The following EXOC3L2 variants were observed in gnomAD, a reference collection of about 807,000 sequenced individuals.
EXOC3L2 encodes exocyst complex component 3-like protein 2.
A neutral mutation model predicts 44.4 loss-of-function variants in EXOC3L2; 17 were observed. The ratio of observed to expected loss-of-function variants is 0.38; its 90% CI spans 0.26 to 0.57. The LOEUF (loss-of-function observed/expected upper bound fraction) is 0.57. Among genes scored for constraint, EXOC3L2 ranks in the 20% least tolerant of loss-of-function variants. EXOC3L2 has a pLI of 0.65. For missense variants in EXOC3L2, 541 were observed against 588.4 expected, an observed-to-expected ratio of 0.92 and a Z score of 0.83; for synonymous variants, 256 against 253.7, an observed-to-expected ratio of 1.01 and a Z score of -0.09.
rs563843788 is a variant in EXOC3L2, at chr19:45,242,933, G to A, written c.-17+2408C>T. Among the ~76,000 whole-genome samples the A allele has an allele frequency of 2.2e-4, 33 of 149,996 alleles. 1 individual carries two copies. In the South Asian group the frequency reaches 6.3e-3, roughly 29 times the overall value. On this transcript the variant is annotated intron_variant, in intron 1 of 11. Coordinates refer to ENST00000413988, the MANE Select transcript of EXOC3L2 (RefSeq NM_001382422.1). ...CCTGCCACCTCTCCTGGTCCCACTC[G>A]CTCTGGCCTTCTCCTAAGGAATCCA...
At position 45,227,748 on chromosome 19, in the gene EXOC3L2, G is replaced by A. The variant is rs201323099; in HGVS notation, c.1497C>T (p.Phe499=). 6 of 1,612,778 alleles carry A rather than the reference G, an allele frequency of 3.7e-6. No individual in the cohort carries two copies. Among genetic ancestry groups the A allele is most frequent in the Non-Finnish European group, 5.1e-6 (6 of 1,179,740 alleles). ...LQSFQQRVER[F]HENPAVREML... is the part of the protein sequence containing the mutation. The stretch of plus-strand genomic sequence containing the variant: ...TCTCCCGGACTGCTGGGTTCTCATG[G>A]AATCGCTCCACACGCTGCTGGAAGC... Residue 499 remains phenylalanine (F), a synonymous_variant, in exon 7 of 12, where the codon TTC becomes TTT. Coordinates refer to ENST00000413988, the MANE Select transcript of EXOC3L2 (RefSeq NM_001382422.1).
intron 4 of EXOC3L2, among the ~76,000 whole-genome samples, chr19:45,229,840 C>T (rs558383071): frequency 5.4e-5 from 6 of 112,058 alleles, no homozygotes; most frequent in South Asian, 2.7e-4. Context: ...AGTGAAACTC[C>T]GTCTCAAAAT....
intron 2 of EXOC3L2, among the ~76,000 whole-genome samples, chr19:45,235,810 T>A: frequency 6.6e-6 from 1 of 152,066 alleles, no homozygotes; most frequent in South Asian, 2.1e-4. Flanking sequence ...GGGGCTGAAA[T>A]AGCCTCTGGC....
chr19:45,219,975 T>C (rs111664793), intron 8 of EXOC3L2, among the ~76,000 whole-genome samples: 2,523 of 151,206 alleles, frequency 0.017, 59 homozygotes, highest in African/African-American at 0.055. Flanking sequence ...AGTTCGAGAC[T>C]AGCCTGGCCA....
At position 45,224,832 on chromosome 19, in the gene EXOC3L2, A is replaced by C; in HGVS notation, c.1665T>G (p.His555Gln). 1 of 1,595,412 alleles carries C rather than the reference A, an allele frequency of 6.3e-7. No homozygotes were observed. The highest frequency in any genetic ancestry group is 1.1e-5 in the South Asian group (1 of 88,304). ...CGACACGGTGGCAGAGCCGGGTCAC[A>C]TGGTCCAGAGCACTAGCAGATGCTT... is the stretch of plus-strand genomic sequence containing the variant. ...AREASASALDHVTRLCHRVVA... is the reference protein window; with the variant it reads ...AREASASALDQVTRLCHRVVA... Residue 555 changes from histidine to glutamine, a missense_variant, in exon 8 of 12, where the codon CAT (histidine) becomes CAG (glutamine). Physicochemically the swap from His to Gln is conservative, Grantham distance 24 (BLOSUM62 0). Transcript: ENST00000413988.
chr19:45,222,671 C>T (rs1969910748), intron 8 of EXOC3L2, among the ~76,000 whole-genome samples: 1 of 152,112 alleles, frequency 6.6e-6, no homozygotes, highest in African/African-American at 2.4e-5. Flanking sequence ...TTTATAAGGC[C>T]AGGCACAGTG....
chr19:45,224,997 G>C, intron 7 of EXOC3L2, 84 bp from the exon 8 acceptor site: 4 of 1,395,578 alleles, frequency 2.9e-6, no homozygotes, highest in Non-Finnish European at 3.7e-6. Context: ...AGGTAGATCA[G>C]AGGGGCACAG....
intron 7 of EXOC3L2, among the ~76,000 whole-genome samples, chr19:45,226,294 C>G (rs1449446680): frequency 6.6e-6 from 1 of 152,090 alleles, no homozygotes; most frequent in Non-Finnish European, 1.5e-5. Flanking sequence ...AGAACACAGA[C>G]TGCTACAATG....
chr19:45,215,138 C>T (rs529850156), intron 11 of EXOC3L2, among the ~76,000 whole-genome samples: 5 of 152,066 alleles, frequency 3.3e-5, no homozygotes, highest in African/African-American at 9.6e-5. Context: ...GAGACTCTGT[C>T]TCAAAAAACA....
rs1249733126 is a variant in EXOC3L2 at position 45,218,272 on chromosome 19, C to T, written c.1767G>A (p.Glu589=). 1 of 1,608,714 alleles carries T rather than the reference C, an allele frequency of 6.2e-7. No homozygotes were observed. Among genetic ancestry groups the T allele is most frequent in the African/African-American group, 1.3e-5 (1 of 74,920 alleles). ...GCGTGCCCACGATGCCATCCAGGGC[C>T]TCCGGGCTGCTCAGCCACTTCCGGC... ...LMRRKWLSSP[E]ALDGIVGTLG... is the part of the protein sequence containing the mutation. The change falls in exon 9 of 12, where the codon GAG becomes GAA. Residue 589 remains glutamate (E), a synonymous_variant. Transcript: ENST00000413988.
chr19:45,218,322 G>C lies in EXOC3L2; in HGVS notation c.1720-3C>G. The C allele has an allele frequency of 1.3e-6, 2 of 1,599,506 alleles. No individual in the cohort carries two copies. Reference sequence around the variant, plus strand: ...CGCATCAGCTTGTTGAAGTGTGGCTGGCAGGGACAGAGTAGGGGGTCACGC... The same window carrying C: ...CGCATCAGCTTGTTGAAGTGTGGCTCGCAGGGACAGAGTAGGGGGTCACGC... On this transcript the variant is annotated splice_region_variant and splice_polypyrimidine_tract_variant and intron_variant, in intron 8 of 11. Coordinates refer to ENST00000413988, the MANE Select transcript of EXOC3L2 (RefSeq NM_001382422.1).
At position 45,212,782 on chromosome 19, in the gene EXOC3L2, TA is replaced by T. The variant is rs1568478077; in HGVS notation, c.*286del. 2 of 326,084 alleles carry T rather than the reference TA, an allele frequency of 6.1e-6. No individual in the cohort carries two copies. Among genetic ancestry groups the T allele is most frequent in the Non-Finnish European group, 1.1e-5 (2 of 182,086 alleles). 20.2% of individuals were successfully genotyped at this position (326,084 alleles called of 1,614,324 possible). A position where few individuals can be genotyped will look rare whatever the true frequency, so the allele number is the denominator to read the frequency against. On this transcript the variant is annotated 3_prime_UTR_variant, in exon 12 of 12. Transcript: ENST00000413988. The stretch of plus-strand genomic sequence containing the variant: ...GCTAATTTTTTATTTTTTGTAGAGA[TA>T]GGGGGCAGGTCTCACTATGTTGCCC...
At chr19:45,233,147 C>T (rs930557946) in intron 3 of EXOC3L2, among the ~76,000 whole-genome samples, 24 of 152,070 alleles carry the variant, frequency 1.6e-4, no homozygotes, top group Non-Finnish European at 3.2e-4. Context: ...ACCCGGGAGG[C>T]GGAGGTTGCA....
rs1227629502 is a variant in EXOC3L2 at position 45,238,342 on chromosome 19, C to T, written c.523+181G>A. On this transcript the variant is annotated intron_variant, in intron 2 of 11. Coordinates refer to ENST00000413988, the MANE Select transcript of EXOC3L2 (RefSeq NM_001382422.1). This position sits in a 1 kb window ranked among gnomAD's most constrained non-coding sequence, Gnocchi z 5.5. Reference sequence around the variant, plus strand: ...AGGTTGACGACAGGGATTAGGACTGCAGTGGTAATGGGTTGGAGCTGGCAT... The same window carrying T: ...AGGTTGACGACAGGGATTAGGACTGTAGTGGTAATGGGTTGGAGCTGGCAT... Among the ~76,000 whole-genome samples the T allele has an allele frequency of 6.6e-6, 1 of 151,976 alleles. No individual in the cohort carries two copies. Among genetic ancestry groups the T allele is most frequent in the Non-Finnish European group, 1.5e-5 (1 of 67,988 alleles).
At position 45,213,330 on chromosome 19, in the gene EXOC3L2, G is replaced by A. The variant is rs1462042991; in HGVS notation, c.2148C>T (p.Asp716=). The A allele has an allele frequency of 6.2e-7, 1 of 1,613,680 alleles. No homozygotes were observed. Among genetic ancestry groups the A allele is most frequent in the Non-Finnish European group, 8.5e-7 (1 of 1,179,794 alleles). The change falls in exon 12 of 12, where the codon GAC becomes GAT. Residue 716 remains aspartate (D), a synonymous_variant. Transcript: ENST00000413988. ...IRQKHVAALL[D]IRGLRNTAAR... ...CGGCTGTGTTGCGCAGGCCACGGATGTCGAGGAGGGCTGCCACGTGCTTCT... is the reference window on the plus strand; with the variant it reads ...CGGCTGTGTTGCGCAGGCCACGGATATCGAGGAGGGCTGCCACGTGCTTCT...
intron 11 of EXOC3L2, 53 bp from the exon 12 acceptor site, chr19:45,213,410 AC>A (rs1262755759): frequency 1.9e-6 from 3 of 1,592,970 alleles, no homozygotes; most frequent in Non-Finnish European, 2.6e-6. Flanking sequence ...CTAGACACAC[AC>A]CCAACCCAGC....
intron 8 of EXOC3L2, among the ~76,000 whole-genome samples, chr19:45,221,262 G>T (rs950280652): frequency 6.6e-6 from 1 of 150,646 alleles, no homozygotes; most frequent in African/African-American, 2.4e-5. Context: ...GGCTGGTGTT[G>T]AACTGCTGAA....
rs767177007 is a variant in EXOC3L2 at position 45,217,542 on chromosome 19, G to A, written c.1984C>T (p.Leu662=). The change falls in exon 10 of 12, where the codon CTG becomes TTG. Residue 662 remains leucine (L), a synonymous_variant. Transcript: ENST00000413988. ...CCGACACTGACCAGCCGCCGGAACAGCCTCTGCAGTTGCGCCGCGTCCTCC... is the reference window on the plus strand; with the variant it reads ...CCGACACTGACCAGCCGCCGGAACAACCTCTGCAGTTGCGCCGCGTCCTCC... The part of the protein sequence containing the change: ...LREDAAQLQR[L]FRRLESQASW... 2 of 1,577,290 alleles carry A rather than the reference G, an allele frequency of 1.3e-6. No homozygotes were observed. The highest frequency in any genetic ancestry group is 1.7e-6 in the Non-Finnish European group (2 of 1,168,552).
intron 8 of EXOC3L2, among the ~76,000 whole-genome samples, chr19:45,224,433 A>G (rs1350623958): frequency 6.6e-6 from 1 of 151,766 alleles, no homozygotes; most frequent in Non-Finnish European, 1.5e-5. Flanking sequence ...ACATTCACTC[A>G]CCCACCTTTG....
Sources: allele counts gnomAD v4.1 joint callset (sites outside exome capture counted in the v4.1 genomes callset), GRCh38; gene constraint gnomAD v4.1.1; non-coding constraint Gnocchi (gnomAD v3.1); transcripts MANE v1.5; gene names NCBI Gene and HGNC (gene_info 2026-07-23, HGNC 2026-07-21).